The following PIGA variants were observed in gnomAD, a reference collection of about 807,000 sequenced individuals.
PIGA encodes the protein phosphatidylinositol N-acetylglucosaminyltransferase subunit A.
Under a neutral mutation model 17.1 loss-of-function variants are expected in PIGA, and 3 were observed. The observed-to-expected ratio is 0.18, with a 90% CI of 0.08 to 0.45. PIGA has a LOEUF of 0.45. PIGA is among the 20% of genes least tolerant of loss of function. The pLI is 0.99. For missense variants in PIGA, 231 were observed against 374.1 expected (o/e 0.62, Z 3.16); for synonymous variants, 126 against 135.1 (o/e 0.93, Z 0.47).
intron 3 of PIGA, among the ~76,000 whole-genome samples, chrX:15,325,450 A>T (rs192637577): frequency 8.9e-6 from 1 of 112,636 alleles, no homozygotes; most frequent in Non-Finnish European, 1.9e-5. Flanking sequence ...ATTTAATGTT[A>T]AAGTGCCATT....
chrX:15,332,255 A>G (rs926297471), intron 1 of PIGA, among the ~76,000 whole-genome samples: 2 of 112,540 alleles, frequency 1.8e-5, no homozygotes, highest in African/African-American at 3.2e-5. Flanking sequence ...ACACCACAGC[A>G]TATCATGGTT....
Position 15,319,533 on chromosome X carries a change from T to C in PIGA, c.*1973A>G, listed in dbSNP as rs745917030. ...AAATCAGTTTTTCATAGGCAACCTT[T>C]TGAAACATCAAAAGAAATACAATAT... is the stretch of plus-strand genomic sequence containing the variant. On this transcript the variant is annotated 3_prime_UTR_variant, in exon 6 of 6. Transcript: ENST00000333590. The C allele has an allele frequency of 3.6e-5, 4 of 112,192 alleles. No individual in the cohort carries two copies. Among genetic ancestry groups the C allele is most frequent in the Non-Finnish European group, 7.5e-5 (4 of 53,259 alleles). 9.2% of individuals were successfully genotyped at this position (112,192 alleles called of 1,213,427 possible).
rs766651571 is a variant in PIGA, at chrX:15,321,067, G to T, written c.*439C>A. On this transcript the variant is annotated 3_prime_UTR_variant, in exon 6 of 6. Coordinates refer to ENST00000333590, the MANE Select transcript of PIGA (RefSeq NM_002641.4). ...ATTTAGATTCCTAATAAATGTATAT[G>T]AACATGATATAAAACAGTTCATATA... 8.5e-6 allele frequency: 1 copy of T among 117,123 alleles called. No individual in the cohort carries two copies. The highest frequency in any genetic ancestry group is 3.2e-5 in the African/African-American group (1 of 30,893). The allele number at this position is 117,123 out of a possible 1,213,427, so 9.7% of individuals were successfully genotyped here. A position where few individuals can be genotyped will look rare whatever the true frequency, so the allele number is the denominator to read the frequency against.
intron 5 of PIGA, among the ~76,000 whole-genome samples, chrX:15,323,782 G>T (rs1241406400): frequency 2.7e-5 from 3 of 111,027 alleles, no homozygotes; most frequent in African/African-American, 9.8e-5. Context: ...ATCTACTCTA[G>T]GCTAAAAACT....
At chrX:15,329,870 G>C (rs1043321850) in intron 2 of PIGA, among the ~76,000 whole-genome samples, 1 of 111,274 alleles carries the variant, frequency 9.0e-6, no homozygotes, top group East Asian at 2.8e-4. Context: ...TGGATCACGA[G>C]GTCAGGAGTT....
At position 15,319,471 on chromosome X, in the gene PIGA, T is replaced by C. The variant is rs1417898308; in HGVS notation, c.*2035A>G. 8.9e-6 allele frequency: 1 copy of C among 112,458 alleles called. No homozygotes were observed. The highest frequency in any genetic ancestry group is 2.8e-4 in the East Asian group (1 of 3,628). 9.3% of individuals were successfully genotyped at this position (112,458 alleles called of 1,213,427 possible). ...ACTCAGAAAATTATCAAAATGTCATTCTGGTCTTTATTTTTGGACATGTAG... is the reference window on the plus strand; with the variant it reads ...ACTCAGAAAATTATCAAAATGTCATCCTGGTCTTTATTTTTGGACATGTAG... On this transcript the variant is annotated 3_prime_UTR_variant, in exon 6 of 6. Transcript: ENST00000333590.
intron 2 of PIGA, chrX:15,326,857 C>A (rs1319179977): frequency 8.9e-6 from 1 of 111,842 alleles, no homozygotes; most frequent in Non-Finnish European, 1.9e-5. Flanking sequence ...GTAAATTATG[C>A]CCTATTAGTC....
At chrX:15,321,904 T>A in intron 5 of PIGA, 132 bp from the exon 6 acceptor site, 1 of 569,003 alleles carries the variant, frequency 1.8e-6, no homozygotes, top group Non-Finnish European at 2.8e-6. Context: ...TGTTTTGTTG[T>A]TGTTGTCATA....
At chrX:15,328,617 T>C (rs1922057802) in intron 2 of PIGA, 1 of 112,281 alleles carries the variant, frequency 8.9e-6, no homozygotes, top group South Asian at 3.7e-4. Flanking sequence ...GGCTGTTCCT[T>C]TTCAGAATGT....
chrX:15,321,834 T>C (rs1921828325), intron 5 of PIGA, 62 bp from the exon 6 acceptor site: 2 of 1,038,491 alleles, frequency 1.9e-6, no homozygotes, highest in Admixed American at 2.4e-5. Context: ...TGTCCCATGA[T>C]AAACAATGAC....
intron 5 of PIGA, among the ~76,000 whole-genome samples, chrX:15,323,232 G>C (rs1921868320): frequency 9.0e-6 from 1 of 111,587 alleles, no homozygotes; most frequent in African/African-American, 3.3e-5. Context: ...AGTGGCTCAG[G>C]CTTCTGGGGT....
At chrX:15,327,317 AG>A (rs1347403050) in intron 2 of PIGA, 2 of 111,431 alleles carry the variant, frequency 1.8e-5, no homozygotes, top group Non-Finnish European at 3.8e-5. Context: ...CCTAGAGCTA[AG>A]TTTATTAATT....
In PIGA at chrX:15,323,489, A is replaced by G. The variant is rs909038456; in HGVS notation, c.1188+1176T>C. Among the ~76,000 whole-genome samples, 3 of 110,878 alleles carry G rather than the reference A, an allele frequency of 2.7e-5. No homozygotes were observed. In the Admixed American group the frequency reaches 2.9e-4, roughly 11 times the overall value. On this transcript the variant is annotated intron_variant, in intron 5 of 5. Coordinates refer to ENST00000333590, the MANE Select transcript of PIGA (RefSeq NM_002641.4). ...AGGCTGCCCGGGGACTCTGACATGT[A>G]CTCCCAACAGGTAAGCACTAGACTC...
chrX:15,321,698 G>A lies in PIGA; in HGVS notation c.1263C>T (p.Gly421=). Residue 421 remains glycine, a synonymous_variant, in exon 6 of 6, where the codon GGC becomes GGT. Transcript: ENST00000333590. The part of the protein sequence containing the change: ...KRLDRLISHC[G]PVTGYIFALL... ...AAGCAAAGATGTAGCCTGTTACTGG[G>A]CCGCAGTGAGAAATAAGTCTGTCCA... 1 of 1,207,746 alleles carries A rather than the reference G, an allele frequency of 8.3e-7. No individual in the cohort carries two copies. Among genetic ancestry groups the A allele is most frequent in the Middle Eastern group, 2.3e-4 (1 of 4,342 alleles).
chrX:15,321,760 C>G lies in PIGA; in HGVS notation c.1201G>C (p.Val401Leu), dbSNP rs759697480. The change falls in exon 6 of 6, where the codon GTA becomes CTA. Residue 401 changes from valine (V) to leucine (L), a missense_variant. By Grantham distance (32) the Val-to-Leu change is conservative (BLOSUM62 1). Around this residue, in one of 5 missense-constraint regions of PIGA, gnomAD observed 88 missense variants for 100.5 expected, o/e 0.88. Coordinates refer to ENST00000333590, the MANE Select transcript of PIGA (RefSeq NM_002641.4). ...ATTGGCAACACAGCTTCCACTGATA[C>G]CCGGTCATATACCTGGAGGGAGAGA... ...AERTEKVYDR[V>L]SVEAVLPMDK... 7 of 1,210,086 alleles carry G rather than the reference C, an allele frequency of 5.8e-6. No individual in the cohort carries two copies. The Admixed American group carries it at 6.5e-5, about 11-fold the overall frequency.
intron 2 of PIGA, chrX:15,326,280 A>G: frequency 4.2e-6 from 1 of 235,317 alleles, no homozygotes; most frequent in South Asian, 1.5e-4. Context: ...CACACACCCA[A>G]AATATGGACT....
chrX:15,324,956 T>G, intron 4 of PIGA, 64 bp downstream of exon 4: 1 of 1,155,977 alleles, frequency 8.7e-7, no homozygotes, highest in Non-Finnish European at 1.2e-6. Flanking sequence ...TATTATGGAA[T>G]GTGTCTCATT....
chrX:15,334,250 G>A (rs774428827), intron 1 of PIGA, among the ~76,000 whole-genome samples: 2 of 102,636 alleles, frequency 1.9e-5, no homozygotes, highest in Non-Finnish European at 3.9e-5. Context: ...GTGTGCAGTG[G>A]AGCGATCTCG....
chrX:15,325,591 A>G (rs781671410), intron 3 of PIGA: 16 of 161,773 alleles, frequency 9.9e-5, no homozygotes, highest in African/African-American at 4.3e-4. Flanking sequence ...TTTGAGCCCT[A>G]TTACTTAAAT....
Sources: gnomAD v4.1 joint callset for allele counts (sites outside exome capture counted in the v4.1 genomes callset) on GRCh38, gnomAD v4.1.1 for gene constraint, gnomAD v4.1.1 regional missense constraint, MANE v1.5 for transcripts, NCBI Gene and HGNC (gene_info 2026-07-23, HGNC 2026-07-21) for gene names.